The following KTN1 variants were observed in gnomAD, a reference collection of about 807,000 sequenced individuals.
KTN1 encodes kinectin 1.
Under a neutral mutation model 222.5 loss-of-function variants are expected in KTN1, and 130 were observed. That is an observed-to-expected ratio of 0.58 (90% CI 0.51 to 0.68). The LOEUF (loss-of-function observed/expected upper bound fraction) is 0.68. Among genes scored for constraint, KTN1 ranks in the 30% least tolerant of loss-of-function variants. The pLI is 0.00. For synonymous variants in KTN1, 512 were observed against 496.3 expected (o/e 1.03, Z -0.42); for missense variants, 1,508 against 1,500.4 (o/e 1.01, Z -0.08).
At chr14:55,624,011 A>T (rs937217536) in intron 5 of KTN1, among the ~76,000 whole-genome samples, 1 of 152,190 alleles carries the variant, frequency 6.6e-6, no homozygotes, top group Non-Finnish European at 1.5e-5. Context: ...AAGAAGTTGG[A>T]AACTATTAAA....
intron 1 of KTN1, among the ~76,000 whole-genome samples, chr14:55,609,792 C>CCAACTCATTGTTG (rs1566700680): frequency 6.6e-6 from 1 of 152,068 alleles, no homozygotes; most frequent in African/African-American, 2.4e-5. Flanking sequence ...AGCAAAAACT[C>CCAACTCATTGTTG]GAAGCATTCC....
intron 17 of KTN1, 118 bp from the exon 18 acceptor site, chr14:55,641,574 C>T (rs1051744401): frequency 1.3e-6 from 1 of 745,268 alleles, no homozygotes; most frequent in Non-Finnish European, 2.4e-6. Flanking sequence ...TATAATTCAC[C>T]TGTCACTTTG....
At chr14:55,662,991 G>A (rs887299333) in intron 32 of KTN1, 1 of 455,846 alleles carries the variant, frequency 2.2e-6, no homozygotes, top group African/African-American at 2.0e-5. Context: ...CCAGCAGATA[G>A]CAGTGTCAGT....
At chr14:55,667,705 A>C (rs1354218364) in intron 34 of KTN1, 1 of 154,000 alleles carries the variant, frequency 6.5e-6, no homozygotes, top group East Asian at 1.9e-4. Context: ...GATACTATGA[A>C]CTAGGCTCTT....
rs1050726117 is a variant in KTN1, at chr14:55,653,430, C to T, written c.2764-129C>T. 3.5e-5 allele frequency: 23 copies of T among 649,674 alleles called. No individual in the cohort carries two copies. In the Admixed American group the frequency reaches 6.7e-4, roughly 19 times the overall value. The allele number at this position is 649,674 out of a possible 1,614,324, so 40.2% of individuals were successfully genotyped here. On this transcript the variant is annotated intron_variant, in intron 27 of 43. Transcript: ENST00000395314. Reference sequence around the variant, plus strand: ...ATTCTGTCCTTGCTTTATAAATGACCCAATCTTAAATTTACTGCATATAAT... The same window carrying T: ...ATTCTGTCCTTGCTTTATAAATGACTCAATCTTAAATTTACTGCATATAAT...
At chr14:55,587,879 A>T (rs1043724794) in intron 1 of KTN1, among the ~76,000 whole-genome samples, 2 of 152,260 alleles carry the variant, frequency 1.3e-5, no homozygotes, top group African/African-American at 2.4e-5. Context: ...TTTAAATTGA[A>T]TCCTTTTGTA....
In KTN1 at chr14:55,611,007, C is replaced by T. The variant is rs186045155; in HGVS notation, c.-30-1012C>T. Among the ~76,000 whole-genome samples, 171 of 152,306 alleles carry T rather than the reference C, an allele frequency of 1.1e-3. 3 individuals carry two copies. Among genetic ancestry groups the T allele is most frequent in the Admixed American group, 3.4e-3 (52 of 15,296 alleles). On this transcript the variant is annotated intron_variant, in intron 1 of 43. Coordinates refer to ENST00000395314, the MANE Select transcript of KTN1 (RefSeq NM_001079521.2). Reference sequence around the variant, plus strand: ...TTCGGTAGGATGTTGATGGCAGCCTCGCTTTTGCTGTATAACTTGTTTTGT... The same window carrying T: ...TTCGGTAGGATGTTGATGGCAGCCTTGCTTTTGCTGTATAACTTGTTTTGT...
intron 32 of KTN1, among the ~76,000 whole-genome samples, chr14:55,662,749 G>T (rs138346568): frequency 0.01 from 1,561 of 152,256 alleles, 16 homozygotes; most frequent in Admixed American, 0.03. Context: ...ACATTTTCTT[G>T]TACCCCTGAG....
At chr14:55,653,343 A>G (rs558350781) in intron 27 of KTN1, among the ~76,000 whole-genome samples, 9 of 152,282 alleles carry the variant, frequency 5.9e-5, no homozygotes, top group East Asian at 1.9e-4. Flanking sequence ...ATCCTTAACT[A>G]TCTGTTTAAA....
At chr14:55,663,081 A>G (rs1442603019) in intron 32 of KTN1, 11 of 418,964 alleles carry the variant, frequency 2.6e-5, no homozygotes, top group South Asian at 1.2e-4. Context: ...TGGTTTCCCT[A>G]TCTATAGAAT....
rs1344550874 is a variant in KTN1, at chr14:55,651,409, TA to T, written c.2566-475del. 6.6e-6 allele frequency: 3 copies of T among 452,642 alleles called. No individual in the cohort carries two copies. In the Admixed American group the frequency reaches 7.2e-5, roughly 11 times the overall value. The allele number at this position is 452,642 out of a possible 1,614,324, so 28.0% of individuals were successfully genotyped here. ...AGACTGTGTATGATTAAGAAAAAAT[TA>T]AAAAAGGACATCATAGAGTACTGTT... On this transcript the variant is annotated intron_variant, in intron 24 of 43. Transcript: ENST00000395314.
At chr14:55,590,778 C>T (rs774403897) in intron 1 of KTN1, among the ~76,000 whole-genome samples, 24 of 151,780 alleles carry the variant, frequency 1.6e-4, no homozygotes, top group Non-Finnish European at 3.2e-4. Flanking sequence ...TAGGTTCAAG[C>T]GATTTTCCTG....
intron 1 of KTN1, among the ~76,000 whole-genome samples, chr14:55,611,090 CTATT>C (rs764729870): frequency 2.0e-5 from 3 of 151,938 alleles, no homozygotes; most frequent in Non-Finnish European, 2.9e-5. Flanking sequence ...ATTTATTTCA[CTATT>C]TTATTTTTTT....
chr14:55,661,709 T>C, intron 32 of KTN1, 97 bp downstream of exon 32: 1 of 604,878 alleles, frequency 1.7e-6, no homozygotes, highest in Non-Finnish European at 2.9e-6. Flanking sequence ...TTACTTTAGA[T>C]TTCTTAATCT....
intron 32 of KTN1, among the ~76,000 whole-genome samples, chr14:55,662,331 A>C (rs906073299): frequency 6.6e-6 from 1 of 152,092 alleles, no homozygotes; most frequent in Non-Finnish European, 1.5e-5. Context: ...CGGCCTCGCA[A>C]AGTGCTGGGA....
At chr14:55,646,606 T>C (rs1249887050) in intron 18 of KTN1, among the ~76,000 whole-genome samples, 1 of 151,132 alleles carries the variant, frequency 6.6e-6, no homozygotes, top group Non-Finnish European at 1.5e-5. Flanking sequence ...TCTTTCTTTT[T>C]TTTTGGACTT....
In KTN1 at chr14:55,616,645, A is replaced by G. The variant is rs758105852; in HGVS notation, c.652A>G (p.Thr218Ala). 34 of 1,593,338 alleles carry G rather than the reference A, an allele frequency of 2.1e-5. No homozygotes were observed. Among genetic ancestry groups the G allele is most frequent in the Non-Finnish European group, 2.5e-5 (29 of 1,174,868 alleles). Residue 218 changes from threonine (T) to alanine (A), a missense_variant, in exon 3 of 44, where the codon ACA (threonine) becomes GCA (alanine). Coordinates refer to ENST00000395314, the MANE Select transcript of KTN1 (RefSeq NM_001079521.2). ...KKKASSKKQK[T>A]ENVFVDEPLI... is the part of the protein sequence containing the mutation. ...GAAAGCTTCATCAAAGAAACAAAAG[A>G]CAGAAAATGGTGAGATGTTTAGATA...
At chr14:55,653,357 TTA>T (rs2043137054) in intron 27 of KTN1, among the ~76,000 whole-genome samples, 200 bp from the exon 28 acceptor site, 1 of 152,200 alleles carries the variant, frequency 6.6e-6, no homozygotes, top group East Asian at 1.9e-4. Flanking sequence ...GTTTAAAGTA[TTA>T]GTCTTTAATC....
At position 55,633,293 on chromosome 14, in the gene KTN1, G is replaced by T; in HGVS notation, c.1280G>T (p.Gly427Val). Residue 427 changes from glycine to valine, a missense_variant, in exon 8 of 44, where the codon GGT becomes GTT. Coordinates refer to ENST00000395314, the MANE Select transcript of KTN1 (RefSeq NM_001079521.2). Reference protein sequence around the residue: ...AEIAHLKQENGILRDAVSNTT... With the variant: ...AEIAHLKQENVILRDAVSNTT... Reference sequence around the variant, plus strand: ...ATAGCTCACTTGAAGCAGGAAAATGGTATACTGAGAGATGCAGTCAGCAAC... The same window carrying T: ...ATAGCTCACTTGAAGCAGGAAAATGTTATACTGAGAGATGCAGTCAGCAAC... 2 of 1,597,868 alleles carry T rather than the reference G, an allele frequency of 1.3e-6. No individual in the cohort carries two copies. Among genetic ancestry groups the T allele is most frequent in the Non-Finnish European group, 1.7e-6 (2 of 1,172,234 alleles).
Sources: gnomAD v4.1 joint callset for allele counts (sites outside exome capture counted in the v4.1 genomes callset) on GRCh38, gnomAD v4.1.1 for gene constraint, MANE v1.5 for transcripts, NCBI Gene and HGNC (gene_info 2026-07-23, HGNC 2026-07-21) for gene names.